PLXNA4: variants seen among roughly 807,000 people sequenced by gnomAD.
The protein encoded by PLXNA4 is plexin A4, also known as plexin-A4.
In PLXNA4, 44 loss-of-function variants were observed where a neutral mutation model predicts 191.8. The observed-to-expected ratio is 0.23, with a 90% CI of 0.18 to 0.29. The LOEUF (loss-of-function observed/expected upper bound fraction) is 0.29, where lower values mean the gene tolerates loss of function less well. PLXNA4 is among the 10% of genes least tolerant of loss of function. The pLI, the probability that PLXNA4 is intolerant of heterozygous loss-of-function variation, is 1.00. For missense variants in PLXNA4, 1,800 were observed against 2,488.8 expected, an observed-to-expected ratio of 0.72 and a Z score of 5.89; for synonymous variants, 1,082 against 1,009.5, an observed-to-expected ratio of 1.07 and a Z score of -1.36.
chr7:132,498,405 C>A (rs4731874), intron 2 of PLXNA4, among the ~76,000 whole-genome samples: 1 of 151,892 alleles, frequency 6.6e-6, no homozygotes, highest in Non-Finnish European at 1.5e-5. Context: ...AGGTCTTACA[C>A]GGATGGCAGC....
At chr7:132,507,370 G>T in intron 2 of PLXNA4, 136 bp downstream of exon 2, 1 of 970,522 alleles carries the variant, frequency 1.0e-6, no homozygotes, top group Non-Finnish European at 1.5e-6. Flanking sequence ...GGTCCAATGA[G>T]ACTCAGAGAT....
chr7:132,574,176 A>T (rs1425242158), intron 1 of PLXNA4, among the ~76,000 whole-genome samples: 1 of 152,232 alleles, frequency 6.6e-6, no homozygotes, highest in Non-Finnish European at 1.5e-5. Flanking sequence ...CATTAAAATG[A>T]TGGATCCTGA....
At chr7:132,250,803 G>A (rs758772501) in intron 4 of PLXNA4, among the ~76,000 whole-genome samples, 11 of 152,288 alleles carry the variant, frequency 7.2e-5, no homozygotes, top group Non-Finnish European at 1.3e-4. Context: ...ATGAAGCTCA[G>A]TTGCTGCAGG....
intron 2 of PLXNA4, among the ~76,000 whole-genome samples, chr7:132,598,267 C>T (rs1802754878): frequency 6.6e-6 from 1 of 152,110 alleles, no homozygotes; most frequent in Admixed American, 6.5e-5. Flanking sequence ...CACCACCATG[C>T]CTGGCTAATT....
intron 3 of PLXNA4, among the ~76,000 whole-genome samples, chr7:132,356,830 C>T (rs1803728191): frequency 6.6e-6 from 1 of 152,302 alleles, no homozygotes; most frequent in South Asian, 2.1e-4. Flanking sequence ...AAGAGCTATT[C>T]CTCTCCATGG....
chr7:132,557,621 G>A (rs1026459263), intron 1 of PLXNA4, among the ~76,000 whole-genome samples: 4 of 151,846 alleles, frequency 2.6e-5, no homozygotes, highest in African/African-American at 9.7e-5. Context: ...AGTCAGCCAA[G>A]TTTAATGGAG....
At chr7:132,249,755 C>CAT (rs1799182542) in intron 4 of PLXNA4, among the ~76,000 whole-genome samples, 1 of 152,212 alleles carries the variant, frequency 6.6e-6, no homozygotes, top group African/African-American at 2.4e-5. Flanking sequence ...GCTCCCGGAA[C>CAT]ATAGTACAGG....
At position 132,365,360 on chromosome 7, in the gene PLXNA4, T is replaced by TGTGCGCGCGCGCGC; in HGVS notation, c.1372-67139_1372-67138insGCGCGCGCGCGCAC. Reference sequence around the variant, plus strand: ...GTGTGTGTGTGTGTGTGTGTGTGTGTGCGTGCGCGCGCATGCATGGGGCAA... The same window carrying TGTGCGCGCGCGCGC: ...GTGTGTGTGTGTGTGTGTGTGTGTGTGTGCGCGCGCGCGCGCGTGCGCGCGCATGCATGGGGCAA... On this transcript the variant is annotated intron_variant, in intron 3 of 31. Coordinates refer to ENST00000321063, the MANE Select transcript of PLXNA4 (RefSeq NM_020911.2). Among the ~76,000 whole-genome samples, 6 of 128,828 alleles carry TGTGCGCGCGCGCGC rather than the reference T, an allele frequency of 4.7e-5. No individual in the cohort carries two copies. The East Asian group carries it at 6.3e-4, about 14-fold the overall frequency. 84.5% of individuals were successfully genotyped at this position (128,828 alleles called of 152,430 possible).
At position 132,147,928 on chromosome 7, in the gene PLXNA4, G is replaced by A. The variant is rs757568769; in HGVS notation, c.4836C>T (p.Thr1612=). 3.0e-5 allele frequency: 48 copies of A among 1,614,012 alleles called. No individual in the cohort carries two copies. Among genetic ancestry groups the A allele is most frequent in the Non-Finnish European group, 3.6e-5 (43 of 1,180,036 alleles). The change falls in exon 27 of 32, where the codon ACC becomes ACT. Residue 1612 remains threonine (T), a synonymous_variant. Coordinates refer to ENST00000321063, the MANE Select transcript of PLXNA4 (RefSeq NM_020911.2). The stretch of plus-strand genomic sequence containing the variant: ...ATTTACTTGCTGAGGTCCTGGAGAC[G>A]GTGGAGTTGTTCACTGCGTTATAGG... ...VTAYNAVNNS[T]VSRTSASKYE... is the part of the protein sequence containing the mutation.
intron 1 of PLXNA4, among the ~76,000 whole-genome samples, chr7:132,568,959 G>A (rs1358794595): frequency 6.6e-6 from 1 of 152,222 alleles, no homozygotes; most frequent in Admixed American, 6.5e-5. Flanking sequence ...CTCCTGCAGG[G>A]GTAACCCTGA....
intron 3 of PLXNA4, among the ~76,000 whole-genome samples, chr7:132,327,173 A>AAAAAAAAAAG (rs373719875): frequency 4.5e-4 from 60 of 133,978 alleles, no homozygotes; most frequent in African/African-American, 1.6e-3. Context: ...GGAAGGCAAA[A>AAAAAAAAAAG]AAAAAAGAAA....
chr7:132,567,434 G>A (rs1013397485), intron 1 of PLXNA4, among the ~76,000 whole-genome samples: 1 of 152,106 alleles, frequency 6.6e-6, no homozygotes, highest in Non-Finnish European at 1.5e-5. Flanking sequence ...CAGGATGCTG[G>A]AGGGTAACTG....
intron 2 of PLXNA4, among the ~76,000 whole-genome samples, chr7:132,619,894 G>A (rs1316462426): frequency 1.3e-5 from 2 of 152,136 alleles, no homozygotes; most frequent in Admixed American, 1.3e-4. Flanking sequence ...TCCGCCTCCC[G>A]GGTTCATGCC....
intron 1 of PLXNA4, among the ~76,000 whole-genome samples, chr7:132,526,040 C>T (rs989388773): frequency 1.3e-5 from 2 of 152,214 alleles, no homozygotes; most frequent in African/African-American, 4.8e-5. Context: ...TTCCATTCCT[C>T]AAGGCACTTT....
At chr7:132,354,250 A>G (rs1180120427) in intron 3 of PLXNA4, among the ~76,000 whole-genome samples, 1 of 152,204 alleles carries the variant, frequency 6.6e-6, no homozygotes, top group African/African-American at 2.4e-5. Context: ...GGTTTAAATC[A>G]GGAATGAGCG....
chr7:132,555,140 C>T (rs1405309397), intron 1 of PLXNA4, among the ~76,000 whole-genome samples: 1 of 151,370 alleles, frequency 6.6e-6, no homozygotes, highest in Non-Finnish European at 1.5e-5. Context: ...ATAAAAATAA[C>T]GTATGTTTAC....
intron 3 of PLXNA4, among the ~76,000 whole-genome samples, chr7:132,342,519 C>T (rs1803070420): frequency 6.6e-6 from 1 of 152,026 alleles, no homozygotes; most frequent in Admixed American, 6.6e-5. Context: ...AGAATTCTGC[C>T]TCTTGTTTCT....
chr7:132,489,370 G>A lies in PLXNA4; in HGVS notation c.1293C>T (p.Arg431=), dbSNP rs765610254. 8 of 1,606,992 alleles carry A rather than the reference G, an allele frequency of 5.0e-6. No individual in the cohort carries two copies. Among genetic ancestry groups the A allele is most frequent in the Non-Finnish European group, 6.8e-6 (8 of 1,174,058 alleles). ...AGACATATGCGATGACAGACGTCAT[G>A]CGGTCCCTGTCCTCCGTGAAGACGG... ...GIPVFTEDRD[R]MTSVIAYVYK... The change falls in exon 3 of 32, where the codon CGC becomes CGT. Residue 431 remains arginine, a synonymous_variant. Transcript: ENST00000321063.
intron 5 of PLXNA4, among the ~76,000 whole-genome samples, chr7:132,233,509 G>A (rs56756367): frequency 0.01 from 1,594 of 152,322 alleles, 33 homozygotes; most frequent in African/African-American, 0.036. Flanking sequence ...AAGATAGGAA[G>A]CCCAAGGTTC....
Sources: allele counts gnomAD v4.1 joint callset (sites outside exome capture counted in the v4.1 genomes callset), GRCh38; gene constraint gnomAD v4.1.1; transcripts MANE v1.5; gene names NCBI Gene and HGNC (gene_info 2026-07-23, HGNC 2026-07-21).